Variants in HERC4 observed in about 807,000 individuals in gnomAD.
The protein encoded by HERC4 is probable E3 ubiquitin-protein ligase HERC4.
HERC4 carries 28 observed loss-of-function variants against 124.3 expected under a neutral mutation model. That is an observed-to-expected ratio of 0.23 (90% CI 0.17 to 0.31). The LOEUF is 0.31. HERC4 is among the 10% of genes least tolerant of loss of function. The probability of loss-of-function intolerance (pLI) is 1.00; values close to 1 mark genes in which losing one functional copy is unlikely to be tolerated. For missense variants in HERC4, 713 were observed against 1,229.3 expected, an observed-to-expected ratio of 0.58 and a Z score of 6.28; for synonymous variants, 407 against 421.5, an observed-to-expected ratio of 0.97 and a Z score of 0.42.
intron 15 of HERC4, among the ~76,000 whole-genome samples, chr10:67,985,325 C>T (rs1390240829): frequency 2.6e-5 from 4 of 152,164 alleles, no homozygotes; most frequent in African/African-American, 9.7e-5. Flanking sequence ...ATAGTAGGCA[C>T]TCTATTTGCA....
intron 8 of HERC4, among the ~76,000 whole-genome samples, chr10:68,016,680 T>C: frequency 6.6e-6 from 1 of 152,172 alleles, no homozygotes; most frequent in East Asian, 1.9e-4. Context: ...ACTGACTACC[T>C]GGAAGTCAAA....
At chr10:67,940,756 T>C (rs1211318355) in intron 20 of HERC4, among the ~76,000 whole-genome samples, 183 bp downstream of exon 20, 3 of 152,224 alleles carry the variant, frequency 2.0e-5, no homozygotes, top group African/African-American at 7.2e-5. Flanking sequence ...ATTTAGTCTT[T>C]CAATAGAAAA....
At chr10:67,993,666 T>C (rs1323117461) in intron 9 of HERC4, 3 of 152,148 alleles carry the variant, frequency 2.0e-5, no homozygotes, top group Admixed American at 1.3e-4. Context: ...CAGCTATTTG[T>C]CAGTAAAAGC....
At position 67,984,191 on chromosome 10, in the gene HERC4, T is replaced by C. The variant is rs2036118805; in HGVS notation, c.1806+4472A>G. 6.6e-5 allele frequency among the ~76,000 whole-genome samples: 10 copies of C among 151,308 alleles called. No individual in the cohort carries two copies. In the South Asian group the frequency reaches 1.9e-3, roughly 28 times the overall value. Reference sequence around the variant, plus strand: ...GGTGGCAGATGCCTGTAGTCCCAGCTACTCGGGAGGCTGAGGCAGAGAATT... The same window carrying C: ...GGTGGCAGATGCCTGTAGTCCCAGCCACTCGGGAGGCTGAGGCAGAGAATT... On this transcript the variant is annotated intron_variant, in intron 15 of 24. Transcript: ENST00000373700.
intron 15 of HERC4, among the ~76,000 whole-genome samples, chr10:67,986,350 T>C (rs2036258454): frequency 6.6e-6 from 1 of 152,138 alleles, no homozygotes; most frequent in Non-Finnish European, 1.5e-5. Context: ...AACTTACATA[T>C]ATTGTATTAT....
Position 67,955,038 on chromosome 10 carries a change from A to G in HERC4, c.2118T>C (p.Arg706=). 1 of 1,599,324 alleles carries G rather than the reference A, an allele frequency of 6.3e-7. No homozygotes were observed. The highest frequency in any genetic ancestry group is 8.5e-7 in the Non-Finnish European group (1 of 1,175,090). Residue 706 remains arginine (R), a synonymous_variant, in exon 18 of 25, where the codon CGT becomes CGC. Transcript: ENST00000373700. ...SVNPCLILVV[R]RENIVGDAME... is the part of the protein sequence containing the mutation. Reference sequence around the variant, plus strand: ...TTGCATCTCCTACAATATTTTCTCTACGCACCACTAGAATTAAGCAGGGAT... The same window carrying G: ...TTGCATCTCCTACAATATTTTCTCTGCGCACCACTAGAATTAAGCAGGGAT...
At chr10:67,955,338 T>C in intron 17 of HERC4, 2 of 479,834 alleles carry the variant, frequency 4.2e-6, no homozygotes, top group Non-Finnish European at 3.6e-6. Context: ...TACTAATGTA[T>C]AATGTATAAC....
At chr10:68,036,003 T>C (rs187998347) in intron 5 of HERC4, among the ~76,000 whole-genome samples, 11 of 152,276 alleles carry the variant, frequency 7.2e-5, no homozygotes, top group Admixed American at 7.2e-4. Flanking sequence ...TATGCCTAGT[T>C]CATACTAAGG....
In HERC4 at chr10:68,015,813, T is replaced by C. The variant is rs575403045; in HGVS notation, c.909-1627A>G. 2.0e-5 allele frequency among the ~76,000 whole-genome samples: 3 copies of C among 152,300 alleles called. No individual in the cohort carries two copies. In the East Asian group the frequency reaches 5.8e-4, roughly 29 times the overall value. On this transcript the variant is annotated intron_variant, in intron 8 of 24. Transcript: ENST00000373700. Reference sequence around the variant, plus strand: ...CTTGGGGTGAATCTAGGTAAAAATATATATTTTGGCCAGGCATGGTGGCTC... The same window carrying C: ...CTTGGGGTGAATCTAGGTAAAAATACATATTTTGGCCAGGCATGGTGGCTC...
chr10:68,010,306 G>A (rs2037865686), intron 9 of HERC4: 3 of 960,252 alleles, frequency 3.1e-6, no homozygotes, highest in South Asian at 1.4e-5. Context: ...CCATAGCCTG[G>A]GGTACCAAAA....
chr10:68,064,056 A>G (rs915245520), intron 3 of HERC4, among the ~76,000 whole-genome samples: 1 of 152,208 alleles, frequency 6.6e-6, no homozygotes, highest in South Asian at 2.1e-4. Context: ...CAGCCTGGTC[A>G]ACATGGCAAA....
Position 67,988,855 on chromosome 10 carries a change from A to G in HERC4, c.1634-20T>C. 1 of 1,555,162 alleles carries G rather than the reference A, an allele frequency of 6.4e-7. No individual in the cohort carries two copies. The highest frequency in any genetic ancestry group is 8.7e-7 in the Non-Finnish European group (1 of 1,149,818). On this transcript the variant is annotated intron_variant, in intron 14 of 24. Transcript: ENST00000373700. ...AGTTTTCTGTTATTAAAAAGTGAAC[A>G]TGCAAATAAAATGAATTTTTTAAAA...
chr10:68,014,175 G>A lies in HERC4; in HGVS notation c.920C>T (p.Ser307Phe). The A allele has an allele frequency of 6.2e-7, 1 of 1,609,212 alleles. No homozygotes were observed. Among genetic ancestry groups the A allele is most frequent in the Non-Finnish European group, 8.5e-7 (1 of 1,178,048 alleles). The change falls in exon 9 of 25, where the codon TCT (serine) becomes TTT (phenylalanine). Residue 307 changes from serine (S) to phenylalanine (F), a missense_variant. Ser to Phe is a radical substitution (Grantham distance 155). Transcript: ENST00000373700. ...TEIACGRQHT[S>F]AFVPSSGRIY... Reference sequence around the variant, plus strand: ...TCGTCCTGATGAAGGAACAAAAGCAGAAGTGTGCTGCCTAGAGTAAAATGA... The same window carrying A: ...TCGTCCTGATGAAGGAACAAAAGCAAAAGTGTGCTGCCTAGAGTAAAATGA...
At chr10:67,948,536 G>A (rs377484501) in intron 19 of HERC4, among the ~76,000 whole-genome samples, 26 of 152,178 alleles carry the variant, frequency 1.7e-4, no homozygotes, top group African/African-American at 5.5e-4. Flanking sequence ...AGATGTTGGC[G>A]TGGATGTGGT....
intron 19 of HERC4, among the ~76,000 whole-genome samples, chr10:67,949,483 A>C (rs939191317): frequency 6.6e-6 from 1 of 152,144 alleles, no homozygotes; most frequent in African/African-American, 2.4e-5. Flanking sequence ...CACGCACCCC[A>C]AAACAAAAAA....
Position 68,010,678 on chromosome 10 carries a change from G to A in HERC4, c.1069+3348C>T, listed in dbSNP as rs755454337. 135 of 1,474,400 alleles carry A rather than the reference G, an allele frequency of 9.2e-5. No homozygotes were observed. The Middle Eastern group carries it at 5.8e-3, about 63-fold the overall frequency. 91.3% of individuals were successfully genotyped at this position (1,474,400 alleles called of 1,614,324 possible). ...TCCACCCACTTCTGCAGCAAGGGCC[G>A]CGCCGCTTACACATGTTCTTGAAGC... On this transcript the variant is annotated intron_variant, in intron 9 of 24. Transcript: ENST00000373700.
chr10:68,055,128 C>T (rs1157926246), intron 3 of HERC4, among the ~76,000 whole-genome samples: 1 of 152,018 alleles, frequency 6.6e-6, no homozygotes, highest in Non-Finnish European at 1.5e-5. Flanking sequence ...CACCATGTTG[C>T]CCAGGCTGAT....
intron 8 of HERC4, among the ~76,000 whole-genome samples, chr10:68,020,366 A>G (rs183180341): frequency 1.3e-5 from 2 of 152,282 alleles, no homozygotes; most frequent in African/African-American, 4.8e-5. Context: ...AAAGACAAAG[A>G]CTAAATCAAA....
chr10:67,966,546 A>G, intron 16 of HERC4, 137 bp downstream of exon 16: 1 of 722,168 alleles, frequency 1.4e-6, no homozygotes, highest in Non-Finnish European at 2.2e-6. Context: ...CTCCTTTGCA[A>G]TGTGTTATTA....
Sources: allele counts gnomAD v4.1 joint callset (sites outside exome capture counted in the v4.1 genomes callset), GRCh38; gene constraint gnomAD v4.1.1; transcripts MANE v1.5; gene names NCBI Gene and HGNC (gene_info 2026-07-23, HGNC 2026-07-21).